Variants in BBS9 observed in about 807,000 individuals in gnomAD.
The protein encoded by BBS9 is protein PTHB1.
A neutral mutation model predicts 117.7 loss-of-function variants in BBS9; 89 were observed. The ratio of observed to expected loss-of-function variants is 0.76; its 90% CI spans 0.64 to 0.90. The LOEUF (loss-of-function observed/expected upper bound fraction) is 0.90. BBS9 is among the 40% of genes least tolerant of loss of function. The pLI, the probability that BBS9 is intolerant of heterozygous loss-of-function variation, is 0.00. For missense variants in BBS9, 982 were observed against 1,042.2 expected (o/e 0.94, Z 0.80); for synonymous variants, 379 against 370.9 (o/e 1.02, Z -0.25).
At chr7:33,397,129 G>A (rs1045726643) in intron 19 of BBS9, among the ~76,000 whole-genome samples, 4 of 151,696 alleles carry the variant, frequency 2.6e-5, no homozygotes, top group African/African-American at 7.3e-5. Flanking sequence ...AAATTTACAA[G>A]AAAAAAAATC....
chr7:33,299,470 T>A (rs1314529818), intron 9 of BBS9, among the ~76,000 whole-genome samples: 2 of 151,472 alleles, frequency 1.3e-5, no homozygotes, highest in African/African-American at 2.4e-5. Flanking sequence ...GCCACTGTTT[T>A]TCCAGTAATG....
chr7:33,188,946 T>C (rs2128187183), intron 5 of BBS9, among the ~76,000 whole-genome samples: 1 of 152,324 alleles, frequency 6.6e-6, no homozygotes, highest in East Asian at 1.9e-4. Flanking sequence ...AATCTTAATC[T>C]GATAAACCAA....
chr7:33,271,566 C>T (rs1385148827), intron 7 of BBS9, among the ~76,000 whole-genome samples: 1 of 152,168 alleles, frequency 6.6e-6, no homozygotes, highest in African/African-American at 2.4e-5. Flanking sequence ...ATCCTAATTT[C>T]AGGCAAAACA....
chr7:33,256,501 G>A (rs1797106132), intron 5 of BBS9, among the ~76,000 whole-genome samples: 1 of 151,204 alleles, frequency 6.6e-6, no homozygotes, highest in African/African-American at 2.4e-5. Context: ...TTTTTTTTTA[G>A]CCTCTTTTGG....
At position 33,357,892 on chromosome 7, in the gene BBS9, C is replaced by T; in HGVS notation, c.1590C>T (p.Pro530=). The stretch of plus-strand genomic sequence containing the variant: ...TTATCCAATGTAAATTTAGACTTCC[C>T]CTAAAGTTAATTTGCCTACCAGGTC... ...PRVIQCKFRL[P]LKLICLPGQP... is the part of the protein sequence containing the mutation. The change falls in exon 16 of 23, where the codon CCC becomes CCT. Residue 530 remains proline (P), a synonymous_variant. Transcript: ENST00000242067. The T allele has an allele frequency of 1.2e-6, 2 of 1,611,606 alleles. No individual in the cohort carries two copies. Among genetic ancestry groups the T allele is most frequent in the Non-Finnish European group, 1.7e-6 (2 of 1,178,226 alleles).
Position 33,130,385 on chromosome 7 carries a change from T to A in BBS9, c.-12+344T>A, listed in dbSNP as rs572433106. 5.3e-5 allele frequency among the ~76,000 whole-genome samples: 8 copies of A among 152,328 alleles called. No individual in the cohort carries two copies. In the East Asian group the frequency reaches 1.5e-3, roughly 29 times the overall value. The stretch of plus-strand genomic sequence containing the variant: ...AGGATGCATGTACTAATACCCCCAA[T>A]CCTTCTAGTAATAGGATTATTGTTT... On this transcript the variant is annotated intron_variant, in intron 1 of 22. Coordinates refer to ENST00000242067, the MANE Select transcript of BBS9 (RefSeq NM_198428.3).
intron 19 of BBS9, among the ~76,000 whole-genome samples, chr7:33,448,554 T>A (rs1455395943): frequency 6.6e-6 from 1 of 152,212 alleles, no homozygotes; most frequent in Non-Finnish European, 1.5e-5. Flanking sequence ...GATGTGAGAA[T>A]TAAATGAGGT....
intron 21 of BBS9, among the ~76,000 whole-genome samples, chr7:33,630,733 G>A (rs1244681365): frequency 6.6e-6 from 1 of 152,248 alleles, no homozygotes; most frequent in South Asian, 2.1e-4. Context: ...ATCCCTACCT[G>A]CCATGCATAC....
intron 4 of BBS9, among the ~76,000 whole-genome samples, chr7:33,171,863 G>T (rs1364599333): frequency 6.6e-6 from 1 of 151,956 alleles, no homozygotes; most frequent in East Asian, 1.9e-4. Flanking sequence ...TAGTCATTCT[G>T]GGTGCCAAGT....
chr7:33,246,793 G>A (rs977365393), intron 5 of BBS9, among the ~76,000 whole-genome samples: 2 of 152,132 alleles, frequency 1.3e-5, no homozygotes, highest in South Asian at 2.1e-4. Context: ...GAGAGAATAC[G>A]AATGTGAATA....
chr7:33,350,632 T>A (rs1432098221), intron 13 of BBS9, among the ~76,000 whole-genome samples: 1 of 152,248 alleles, frequency 6.6e-6, no homozygotes, highest in East Asian at 1.9e-4. Context: ...CTGTTCATGC[T>A]GTCTGTTCCT....
rs1808554385 is a variant in BBS9 at position 33,308,778 on chromosome 7, T to A, written c.1017-27663T>A. On this transcript the variant is annotated intron_variant, in intron 9 of 22. Coordinates refer to ENST00000242067, the MANE Select transcript of BBS9 (RefSeq NM_198428.3). ...AGTGTTTTAAAAATAGACTTTGTAC[T>A]TATTGTTCCTCAATCCTGACGTAGC... 1.3e-5 allele frequency among the ~76,000 whole-genome samples: 2 copies of A among 152,208 alleles called. 1 individual carries two copies. Among genetic ancestry groups the A allele is most frequent in the South Asian group, 4.1e-4 (2 of 4,830 alleles).
intron 17 of BBS9, 38 bp downstream of exon 17, chr7:33,367,900 T>A: frequency 6.6e-7 from 1 of 1,525,300 alleles, no homozygotes; most frequent in Non-Finnish European, 9.1e-7. Flanking sequence ...TTTAAATTTT[T>A]TTCTAAGGAT....
At chr7:33,625,896 CTAAAT>C (rs1418004255) in intron 21 of BBS9, among the ~76,000 whole-genome samples, 3 of 152,162 alleles carry the variant, frequency 2.0e-5, no homozygotes, top group Non-Finnish European at 2.9e-5. Flanking sequence ...AGTTGTCACA[CTAAAT>C]TATATGTCTG....
chr7:33,268,536 T>G (rs1211758104), intron 7 of BBS9, among the ~76,000 whole-genome samples: 1 of 152,348 alleles, frequency 6.6e-6, no homozygotes, highest in African/African-American at 2.4e-5. Flanking sequence ...TGGTGTCCAG[T>G]GCCTTGCAAA....
intron 19 of BBS9, among the ~76,000 whole-genome samples, chr7:33,443,086 C>A (rs987702751): frequency 3.3e-5 from 5 of 152,060 alleles, no homozygotes; most frequent in African/African-American, 1.2e-4. Context: ...GTACTCATTT[C>A]TGTGAAAAAT....
At chr7:33,277,612 T>C (rs2128358348) in intron 9 of BBS9, among the ~76,000 whole-genome samples, 1 of 152,086 alleles carries the variant, frequency 6.6e-6, no homozygotes, top group Middle Eastern at 3.4e-3. Flanking sequence ...GGCTCATAGG[T>C]TAGGGGTTTT....
At chr7:33,488,947 C>T (rs899999928) in intron 19 of BBS9, among the ~76,000 whole-genome samples, 3 of 147,558 alleles carry the variant, frequency 2.0e-5, no homozygotes, top group African/African-American at 5.0e-5. Flanking sequence ...CTGTAAGTGG[C>T]GTGTTTGTCT....
At chr7:33,615,611 A>T (rs1460203625) in intron 21 of BBS9, among the ~76,000 whole-genome samples, 1 of 152,132 alleles carries the variant, frequency 6.6e-6, no homozygotes, top group East Asian at 1.9e-4. Context: ...TAACTTACAC[A>T]TAATGGGAAT....
Sources: gnomAD v4.1 joint callset for allele counts (sites outside exome capture counted in the v4.1 genomes callset) on GRCh38, gnomAD v4.1.1 for gene constraint, MANE v1.5 for transcripts, NCBI Gene and HGNC (gene_info 2026-07-23, HGNC 2026-07-21) for gene names.